TRPC4: variants seen among roughly 807,000 people sequenced by gnomAD.
The protein encoded by TRPC4 is transient receptor potential cation channel subfamily C member 4, also known as short transient receptor potential channel 4.
TRPC4 carries 49 observed loss-of-function variants against 99.4 expected under a neutral mutation model. The ratio of observed to expected loss-of-function variants is 0.49; its 90% CI spans 0.39 to 0.63. The LOEUF (loss-of-function observed/expected upper bound fraction) is 0.63, where lower values mean the gene tolerates loss of function less well. Among genes scored for constraint, TRPC4 ranks in the 20% least tolerant of loss-of-function variants. The probability of loss-of-function intolerance (pLI) is 0.00; values close to 1 mark genes in which losing one functional copy is unlikely to be tolerated. For missense variants in TRPC4, 898 were observed against 1,152.9 expected (o/e 0.78, Z 3.20); for synonymous variants, 454 against 425.9 (o/e 1.07, Z -0.81).
At chr13:37,744,329 T>C (rs1300295917) in intron 3 of TRPC4, among the ~76,000 whole-genome samples, 1 of 152,190 alleles carries the variant, frequency 6.6e-6, no homozygotes, top group African/African-American at 2.4e-5. Context: ...TATCTTATCA[T>C]TGTGTAGTAA....
intron 6 of TRPC4, among the ~76,000 whole-genome samples, chr13:37,662,992 A>G (rs1952497790): frequency 6.6e-6 from 1 of 152,210 alleles, no homozygotes; most frequent in African/African-American, 2.4e-5. Flanking sequence ...AATGAAAGAG[A>G]TACATAAACG....
At chr13:37,819,719 T>A in intron 1 of TRPC4, among the ~76,000 whole-genome samples, 1 of 151,480 alleles carries the variant, frequency 6.6e-6, no homozygotes, top group Non-Finnish European at 1.5e-5. Context: ...AATGAATGGG[T>A]ACTAGGCTTA....
chr13:37,714,969 G>A (rs750362104), intron 3 of TRPC4, among the ~76,000 whole-genome samples: 1 of 152,110 alleles, frequency 6.6e-6, no homozygotes, highest in African/African-American at 2.4e-5. Context: ...ATACGTATAG[G>A]TACACAAACA....
chr13:37,812,885 T>A (rs948597845), intron 1 of TRPC4, among the ~76,000 whole-genome samples: 8 of 151,772 alleles, frequency 5.3e-5, no homozygotes, highest in African/African-American at 1.9e-4. Flanking sequence ...CTCCTTCCCT[T>A]GGAAAACAAA....
At chr13:37,836,987 A>T (rs1199867939) in intron 1 of TRPC4, among the ~76,000 whole-genome samples, 2 of 152,180 alleles carry the variant, frequency 1.3e-5, no homozygotes, top group Non-Finnish European at 2.9e-5. Flanking sequence ...CACTCCAGCC[A>T]TGACTGAATG....
At chr13:37,690,448 G>A (rs1374060688) in intron 4 of TRPC4, among the ~76,000 whole-genome samples, 1 of 152,118 alleles carries the variant, frequency 6.6e-6, no homozygotes, top group Non-Finnish European at 1.5e-5. Context: ...CCAGGTAGCT[G>A]GGATTACAGG....
chr13:37,717,963 T>G (rs1336747950), intron 3 of TRPC4, among the ~76,000 whole-genome samples: 1 of 152,166 alleles, frequency 6.6e-6, no homozygotes, highest in African/African-American at 2.4e-5. Flanking sequence ...GAGTTTCTTA[T>G]TTACTTATTT....
At chr13:37,799,805 G>A (rs781359434) in intron 1 of TRPC4, among the ~76,000 whole-genome samples, 3 of 152,172 alleles carry the variant, frequency 2.0e-5, no homozygotes, top group Non-Finnish European at 4.4e-5. Context: ...ACTATGTAAG[G>A]ATACAATACT....
intron 3 of TRPC4, among the ~76,000 whole-genome samples, chr13:37,709,710 A>T (rs1566112769): frequency 6.6e-6 from 1 of 152,114 alleles, no homozygotes; most frequent in East Asian, 1.9e-4. Context: ...ATGTGCATGT[A>T]TCATGGGATC....
At chr13:37,716,898 T>A (rs1265283355) in intron 3 of TRPC4, among the ~76,000 whole-genome samples, 1 of 152,178 alleles carries the variant, frequency 6.6e-6, no homozygotes, top group Non-Finnish European at 1.5e-5. Flanking sequence ...AGTGTTTTTT[T>A]ATCATGTTTG....
In TRPC4 at chr13:37,722,816, G is replaced by GA. The variant is rs370632010; in HGVS notation, c.897+23120dup. ...CTTACTATTATTGCAATTATTGCAT[G>GA]AAAAAAAAAAGATGAACATGACTAA... On this transcript the variant is annotated intron_variant, in intron 3 of 10. Transcript: ENST00000379705. Among the ~76,000 whole-genome samples the GA allele has an allele frequency of 1.8e-3, 270 of 147,768 alleles. 2 individuals are homozygous for GA. Among genetic ancestry groups the GA allele is most frequent in the African/African-American group, 5.3e-3 (216 of 40,472 alleles).
chr13:37,648,306 CA>C (rs770216236), intron 8 of TRPC4, among the ~76,000 whole-genome samples: 1 of 151,884 alleles, frequency 6.6e-6, no homozygotes, highest in Non-Finnish European at 1.5e-5. Context: ...TTCATATAAA[CA>C]AAAAATGTAT....
intron 1 of TRPC4, among the ~76,000 whole-genome samples, chr13:37,866,967 A>C: frequency 6.6e-6 from 1 of 151,454 alleles, no homozygotes; most frequent in Non-Finnish European, 1.5e-5. Flanking sequence ...CATAGGCATT[A>C]AAGAGGTCAA....
chr13:37,846,052 C>T (rs1349494808), intron 1 of TRPC4, among the ~76,000 whole-genome samples: 1 of 151,938 alleles, frequency 6.6e-6, no homozygotes, highest in East Asian at 1.9e-4. Flanking sequence ...AAAGAAATGG[C>T]CAACCAAGAA....
chr13:37,672,745 C>G (rs1952898033), intron 5 of TRPC4, among the ~76,000 whole-genome samples: 1 of 152,182 alleles, frequency 6.6e-6, no homozygotes. Context: ...TGCATAATCT[C>G]CTTTGGTTAA....
chr13:37,684,794 TAC>T (rs57132536), intron 4 of TRPC4, among the ~76,000 whole-genome samples: 29,197 of 140,362 alleles, frequency 0.21, 2,820 homozygotes, highest in African/African-American at 0.25. Flanking sequence ...GAGTACCCCT[TAC>T]ACACACACAC....
intron 5 of TRPC4, among the ~76,000 whole-genome samples, chr13:37,668,880 C>G (rs1020822063): frequency 6.6e-6 from 1 of 152,080 alleles, no homozygotes; most frequent in Non-Finnish European, 1.5e-5. Context: ...ACCAAAAAGA[C>G]CAGTGTTTAT....
At chr13:37,681,682 TG>T (rs1566092177) in intron 4 of TRPC4, among the ~76,000 whole-genome samples, 1 of 152,176 alleles carries the variant, frequency 6.6e-6, no homozygotes, top group African/African-American at 2.4e-5. Context: ...AAATTATCCA[TG>T]GTAACTAAAA....
At chr13:37,747,171 C>T (rs537452542) in intron 2 of TRPC4, among the ~76,000 whole-genome samples, 7 of 152,174 alleles carry the variant, frequency 4.6e-5, no homozygotes, top group African/African-American at 1.7e-4. Flanking sequence ...GCACGATTTC[C>T]TTTGGGTTAT....
Sources: allele counts gnomAD v4.1 joint callset (sites outside exome capture counted in the v4.1 genomes callset), GRCh38; gene constraint gnomAD v4.1.1; transcripts MANE v1.5; gene names NCBI Gene and HGNC (gene_info 2026-07-23, HGNC 2026-07-21).